The following TAOK1 variants were observed in gnomAD, a reference collection of about 807,000 sequenced individuals.
TAOK1 encodes serine/threonine-protein kinase TAO1.
Under a neutral mutation model 138.3 loss-of-function variants are expected in TAOK1, and 21 were observed. That is an observed-to-expected ratio of 0.15 (90% confidence interval 0.11 to 0.22). The LOEUF (loss-of-function observed/expected upper bound fraction) is 0.22. Among genes scored for constraint, TAOK1 ranks in the 10% least tolerant of loss-of-function variants. The probability of loss-of-function intolerance (pLI) is 1.00; values close to 1 mark genes in which losing one functional copy is unlikely to be tolerated. For missense variants in TAOK1, 651 were observed against 1,227.7 expected, an observed-to-expected ratio of 0.53 and a Z score of 7.02; for synonymous variants, 361 against 398.4, an observed-to-expected ratio of 0.91 and a Z score of 1.12.
At chr17:29,507,785 T>C in intron 13 of TAOK1, 111 bp from the exon 14 acceptor site, 1 of 955,808 alleles carries the variant, frequency 1.0e-6, no homozygotes. Flanking sequence ...TCTGCTAACA[T>C]TGGGATATTT....
At chr17:29,480,849 G>A (rs1227124315) in intron 7 of TAOK1, among the ~76,000 whole-genome samples, 6 of 120,408 alleles carry the variant, frequency 5.0e-5, no homozygotes, top group African/African-American at 1.8e-4. Context: ...CAGCCTGGGC[G>A]ACAGAGTGAG....
At chr17:29,420,931 T>C (rs542485161) in intron 1 of TAOK1, among the ~76,000 whole-genome samples, 46 of 150,350 alleles carry the variant, frequency 3.1e-4, no homozygotes, top group Admixed American at 1.4e-3. Context: ...CTATAGGGAT[T>C]TTTTGTTTTT....
At chr17:29,524,477 C>A (rs2031972797) in intron 17 of TAOK1, among the ~76,000 whole-genome samples, 1 of 152,164 alleles carries the variant, frequency 6.6e-6, no homozygotes, top group African/African-American at 2.4e-5. Flanking sequence ...TAGTCCGATT[C>A]TCTCAGATAG....
intron 1 of TAOK1, among the ~76,000 whole-genome samples, chr17:29,440,977 ATATAT>A (rs1174621445): frequency 5.3e-5 from 8 of 152,130 alleles, no homozygotes; most frequent in African/African-American, 1.4e-4. Context: ...TGATAAAGTG[ATATAT>A]TACATTGATT....
intron 11 of TAOK1, 45 bp downstream of exon 11, chr17:29,495,772 G>C (rs572263036): frequency 7.0e-7 from 1 of 1,426,368 alleles, no homozygotes; most frequent in South Asian, 1.7e-5. Flanking sequence ...TTCACTTTTG[G>C]TTTCTTTCCT....
At chr17:29,435,823 T>G (rs370724316) in intron 1 of TAOK1, among the ~76,000 whole-genome samples, 1 of 152,224 alleles carries the variant, frequency 6.6e-6, no homozygotes, top group Non-Finnish European at 1.5e-5. Flanking sequence ...CAAATACTTA[T>G]ATTGCCATAA....
intron 7 of TAOK1, 76 bp downstream of exon 7, chr17:29,480,557 AG>A (rs1291112604): frequency 7.8e-7 from 1 of 1,284,820 alleles, no homozygotes; most frequent in African/African-American, 1.5e-5. Flanking sequence ...ATGAAGTGTA[AG>A]GTAAAGTACT....
chr17:29,481,479 T>C (rs1598499841), intron 7 of TAOK1, among the ~76,000 whole-genome samples: 1 of 151,770 alleles, frequency 6.6e-6, no homozygotes, highest in East Asian at 1.9e-4. Flanking sequence ...CGTGAACCAC[T>C]GTGCCTGGCC....
chr17:29,541,356 C>T (rs2032313818), intron 19 of TAOK1, among the ~76,000 whole-genome samples: 3 of 150,198 alleles, frequency 2.0e-5, no homozygotes, highest in South Asian at 2.1e-4. Context: ...GTGATCTACC[C>T]GCCTCAGCCT....
intron 7 of TAOK1, among the ~76,000 whole-genome samples, chr17:29,481,735 G>A (rs993440955): frequency 2.0e-5 from 3 of 152,000 alleles, no homozygotes; most frequent in East Asian, 2.0e-4. Context: ...CAAGGCGGGC[G>A]GATCACCAGG....
At chr17:29,411,088 GTTTTTTTTT>G (rs71138814) in intron 1 of TAOK1, among the ~76,000 whole-genome samples, 1 of 94,090 alleles carries the variant, frequency 1.1e-5, no homozygotes, top group East Asian at 3.0e-4. Context: ...TCTTTTTACT[GTTTTTTTTT>G]TTTTTTTTTT....
chr17:29,400,927 T>A (rs1904820958), intron 1 of TAOK1, among the ~76,000 whole-genome samples: 1 of 110,760 alleles, frequency 9.0e-6, no homozygotes, highest in Non-Finnish European at 1.9e-5. Flanking sequence ...TTTTTTTTTT[T>A]GATGCCAGGG....
intron 1 of TAOK1, among the ~76,000 whole-genome samples, chr17:29,409,576 C>G (rs1166155111): frequency 1.3e-5 from 2 of 151,316 alleles, no homozygotes; most frequent in African/African-American, 4.9e-5. Context: ...CTTGTGATCC[C>G]CCCGCCTCAG....
intron 18 of TAOK1, 192 bp downstream of exon 18, chr17:29,530,811 T>G: frequency 1.7e-6 from 1 of 604,680 alleles, no homozygotes; most frequent in Non-Finnish European, 2.9e-6. Flanking sequence ...GAATTCTCAT[T>G]GATACATTTA....
chr17:29,534,266 G>A lies in TAOK1; in HGVS notation c.2510G>A (p.Arg837Lys). The A allele has an allele frequency of 6.2e-7, 1 of 1,610,442 alleles. No homozygotes were observed. Among genetic ancestry groups the A allele is most frequent in the East Asian group, 2.2e-5 (1 of 44,720 alleles). Residue 837 changes from arginine to lysine, a missense_variant, in exon 19 of 20, where the codon AGG becomes AAG. This residue lies in a region of TAOK1 where 258 missense variants were observed against 548.9 expected (regional missense o/e 0.47). Transcript: ENST00000261716. ...CGAGAGCTTCGCGAGCTTGAACAGAGGGTCTCCCTCCGGAGGGCACTCTTA... is the reference window on the plus strand; with the variant it reads ...CGAGAGCTTCGCGAGCTTGAACAGAAGGTCTCCCTCCGGAGGGCACTCTTA... Reference protein sequence around the residue: ...HDRELRELEQRVSLRRALLEQ... With the variant: ...HDRELRELEQKVSLRRALLEQ...
intron 1 of TAOK1, among the ~76,000 whole-genome samples, chr17:29,440,921 G>A (rs749171568): frequency 2.6e-5 from 4 of 152,100 alleles, no homozygotes; most frequent in Non-Finnish European, 5.9e-5. Flanking sequence ...TATCAAATGC[G>A]TTTTCCATAT....
rs2032402449 is a variant in TAOK1 at position 29,546,292 on chromosome 17, G to A, written c.*3270G>A. 6.6e-6 allele frequency: 1 copy of A among 152,018 alleles called. No individual in the cohort carries two copies. The highest frequency in any genetic ancestry group is 6.6e-5 in the Admixed American group (1 of 15,256). 9.4% of individuals were successfully genotyped at this position (152,018 alleles called of 1,614,324 possible). On this transcript the variant is annotated 3_prime_UTR_variant, in exon 20 of 20. Transcript: ENST00000261716. ...AAATGGAACATTTTAGCATAGTCAT[G>A]ATTTTTGGTTGCCTAGACATCAGGT...
intron 1 of TAOK1, among the ~76,000 whole-genome samples, chr17:29,392,662 A>G (rs985977829): frequency 1.3e-5 from 2 of 152,224 alleles, no homozygotes; most frequent in East Asian, 3.8e-4. Context: ...TGATTTCAAA[A>G]TATTCCACAT....
At chr17:29,411,854 G>T (rs1431735450) in intron 1 of TAOK1, among the ~76,000 whole-genome samples, 2 of 151,856 alleles carry the variant, frequency 1.3e-5, no homozygotes, top group Non-Finnish European at 2.9e-5. Context: ...AGGCTCCCTC[G>T]TGTCCCTTCT....
Sources: allele counts gnomAD v4.1 joint callset (sites outside exome capture counted in the v4.1 genomes callset), GRCh38; gene constraint gnomAD v4.1.1; regional missense constraint gnomAD v4.1.1; transcripts MANE v1.5; gene names NCBI Gene and HGNC (gene_info 2026-07-23, HGNC 2026-07-21).